Variants in H4C6 observed in about 807,000 individuals in gnomAD.
H4C6 encodes histone H4.
In H4C6, 8 loss-of-function variants were observed where a neutral mutation model predicts 5.7. That is an observed-to-expected ratio of 1.41 (90% CI 0.82 to 2.54). H4C6 has a LOEUF of 2.54. Among genes scored for constraint, H4C6 ranks in the 30% most tolerant of loss-of-function variants. H4C6 has a pLI of 0.00. For missense variants in H4C6, 230 were observed against 145.9 expected, an observed-to-expected ratio of 1.58 and a Z score of -2.97; for synonymous variants, 124 against 57.0, an observed-to-expected ratio of 2.18 and a Z score of -5.30.
Position 26,240,778 on chromosome 6 carries a change from G to C in H4C6, c.*41G>C, listed in dbSNP as rs1561755876. 1.3e-6 allele frequency: 2 copies of C among 1,509,042 alleles called. No homozygotes were observed. Among genetic ancestry groups the C allele is most frequent in the Non-Finnish European group, 1.8e-6 (2 of 1,124,196 alleles). 93.5% of individuals were successfully genotyped at this position (1,509,042 alleles called of 1,614,324 possible). A position where few individuals can be genotyped will look rare whatever the true frequency, so the allele number is the denominator to read the frequency against. ...TTTATTTAACAGCTCACCCATAAAA[G>C]GCCCTTTTCAGGGCCACCTCCTTCG... On this transcript the variant is annotated 3_prime_UTR_variant, in exon 1 of 1. Transcript: ENST00000244537.
rs1759874157 is a variant in H4C6, at chr6:26,240,687, G to A, written c.262G>A (p.Val88Ile). 6.2e-7 allele frequency: 1 copy of A among 1,608,932 alleles called. No homozygotes were observed. The highest frequency in any genetic ancestry group is 1.3e-5 in the African/African-American group (1 of 74,908). Residue 88 changes from valine (V) to isoleucine (I), a missense_variant, in exon 1 of 1, where the codon GTC becomes ATC. Coordinates refer to ENST00000244537, the MANE Select transcript of H4C6 (RefSeq NM_003540.4). Reference sequence around the variant, plus strand: ...TAAGACAGTCACTGCAATGGATGTTGTCTACGCGCTCAAGCGCCAGGGACG... The same window carrying A: ...TAAGACAGTCACTGCAATGGATGTTATCTACGCGCTCAAGCGCCAGGGACG... ...KRKTVTAMDV[V>I]YALKRQGRTL...
In H4C6 at chr6:26,240,513, A is replaced by G. The variant is rs536907537; in HGVS notation, c.88A>G (p.Ile30Val). Reference protein sequence around the residue: ...RKVLRDNIQGITKPAIRRLAR... With the variant: ...RKVLRDNIQGVTKPAIRRLAR... ...AGTGCTGCGTGACAACATACAGGGC[A>G]TCACGAAGCCCGCCATCCGTCGCTT... The change falls in exon 1 of 1, where the codon ATC becomes GTC. Residue 30 changes from isoleucine to valine, a missense_variant. Transcript: ENST00000244537. 3 of 1,613,964 alleles carry G rather than the reference A, an allele frequency of 1.9e-6. No individual in the cohort carries two copies. Among genetic ancestry groups the G allele is most frequent in the East Asian group, 2.2e-5 (1 of 44,884 alleles).
In H4C6 at chr6:26,240,448, G is replaced by C. The variant is rs1046849628; in HGVS notation, c.23G>C (p.Gly8Ala). 1 of 1,580,704 alleles carries C rather than the reference G, an allele frequency of 6.3e-7. No individual in the cohort carries two copies. Among genetic ancestry groups the C allele is most frequent in the Non-Finnish European group, 8.6e-7 (1 of 1,159,562 alleles). MSGRGKG[G>A]KGLGKGGAKR... ...ATCATGTCTGGTAGAGGCAAAGGTG[G>C]TAAAGGTTTAGGAAAGGGAGGCGCC... is the stretch of plus-strand genomic sequence containing the variant. Residue 8 changes from glycine (G) to alanine (A), a missense_variant, in exon 1 of 1, where the codon GGT becomes GCT. Gly to Ala is a moderately conservative substitution (Grantham distance 60). Coordinates refer to ENST00000244537, the MANE Select transcript of H4C6 (RefSeq NM_003540.4).
rs1253819149 is a variant in H4C6, at chr6:26,240,535, G to A, written c.110G>A (p.Arg37His). The A allele has an allele frequency of 1.9e-6, 3 of 1,614,070 alleles. No homozygotes were observed. Among genetic ancestry groups the A allele is most frequent in the Non-Finnish European group, 2.5e-6 (3 of 1,179,890 alleles). ...IQGITKPAIR[R>H]LARRGGVKRI... is the part of the protein sequence containing the mutation. ...GGCATCACGAAGCCCGCCATCCGTC[G>A]CTTGGCCCGACGCGGCGGCGTGAAA... is the stretch of plus-strand genomic sequence containing the variant. The change falls in exon 1 of 1, where the codon CGC becomes CAC. Residue 37 changes from arginine to histidine, a missense_variant. Transcript: ENST00000244537.
rs1581473804 is a variant in H4C6 at position 26,240,662 on chromosome 6, T to A, written c.237T>A (p.Arg79=). The A allele has an allele frequency of 6.2e-7, 1 of 1,613,210 alleles. No individual in the cohort carries two copies. Among genetic ancestry groups the A allele is most frequent in the Admixed American group, 1.7e-5 (1 of 59,990 alleles). ...DAVTYTEHAK[R]KTVTAMDVVY... The stretch of plus-strand genomic sequence containing the variant: ...TAACCTACACGGAGCACGCCAAGCG[T>A]AAGACAGTCACTGCAATGGATGTTG... The change falls in exon 1 of 1, where the codon CGT becomes CGA. Residue 79 remains arginine (R), a synonymous_variant. Transcript: ENST00000244537.
At position 26,240,770 on chromosome 6, in the gene H4C6, C is replaced by G; in HGVS notation, c.*33C>G. On this transcript the variant is annotated 3_prime_UTR_variant, in exon 1 of 1. Transcript: ENST00000244537. ...CCCGGCTTTTTATTTAACAGCTCAC[C>G]CATAAAAGGCCCTTTTCAGGGCCAC... 1 of 1,516,454 alleles carries G rather than the reference C, an allele frequency of 6.6e-7. No homozygotes were observed. The highest frequency in any genetic ancestry group is 2.3e-5 in the East Asian group (1 of 43,676). The allele number at this position is 1,516,454 out of a possible 1,614,324, so 93.9% of individuals were successfully genotyped here. A position where few individuals can be genotyped will look rare whatever the true frequency, so the allele number is the denominator to read the frequency against.
rs772112629 is a variant in H4C6, at chr6:26,240,651, C to CAGTAG, written c.227_228insGTAGA (p.His76GlnfsTer2). The CAGTAG allele has an allele frequency of 1.2e-6, 2 of 1,613,850 alleles. No individual in the cohort carries two copies. Among genetic ancestry groups the CAGTAG allele is most frequent in the Non-Finnish European group, 1.7e-6 (2 of 1,179,740 alleles). On this transcript the variant is annotated stop_gained and frameshift_variant, in exon 1 of 1. Coordinates refer to ENST00000244537, the MANE Select transcript of H4C6 (RefSeq NM_003540.4). LOFTEE classifies it high-confidence loss of function. ...ACGGGACGCCGTAACCTACACGGAG[C>CAGTAG]ACGCCAAGCGTAAGACAGTCACTGC...
chr6:26,240,751 TTTTTA>T lies in H4C6; in HGVS notation c.*18_*22del, dbSNP rs1299132732. The T allele has an allele frequency of 2.6e-6, 4 of 1,542,904 alleles. No homozygotes were observed. The highest frequency in any genetic ancestry group is 2.7e-5 in the African/African-American group (2 of 72,968). On this transcript the variant is annotated 3_prime_UTR_variant, in exon 1 of 1. Coordinates refer to ENST00000244537, the MANE Select transcript of H4C6 (RefSeq NM_003540.4). ...TTTGGTGGCTGAGCCTCACCCCGGC[TTTTTA>T]TTTAACAGCTCACCCATAAAAGGCC...
Position 26,240,496 on chromosome 6 carries a change from G to A in H4C6, c.71G>A (p.Arg24His), listed in dbSNP as rs1201414781. Residue 24 changes from arginine (R) to histidine (H), a missense_variant, in exon 1 of 1, where the codon CGT becomes CAT. Arg to His is a conservative substitution (Grantham distance 29). Coordinates refer to ENST00000244537, the MANE Select transcript of H4C6 (RefSeq NM_003540.4). ...GCCAAGCGCCATCGCAAAGTGCTGCGTGACAACATACAGGGCATCACGAAG... is the reference window on the plus strand; with the variant it reads ...GCCAAGCGCCATCGCAAAGTGCTGCATGACAACATACAGGGCATCACGAAG... Reference protein sequence around the residue: ...GGAKRHRKVLRDNIQGITKPA... With the variant: ...GGAKRHRKVLHDNIQGITKPA... 2 of 1,610,142 alleles carry A rather than the reference G, an allele frequency of 1.2e-6. No individual in the cohort carries two copies. Among genetic ancestry groups the A allele is most frequent in the Middle Eastern group, 1.7e-4 (1 of 6,046 alleles).
In H4C6 at chr6:26,240,647, G is replaced by C. The variant is rs750836693; in HGVS notation, c.222G>C (p.Thr74=). Residue 74 remains threonine (T), a synonymous_variant, in exon 1 of 1, where the codon ACG becomes ACC. Coordinates refer to ENST00000244537, the MANE Select transcript of H4C6 (RefSeq NM_003540.4). The part of the protein sequence containing the change: ...ENVIRDAVTY[T]EHAKRKTVTA... ...TGATACGGGACGCCGTAACCTACAC[G>C]GAGCACGCCAAGCGTAAGACAGTCA... is the stretch of plus-strand genomic sequence containing the variant. The C allele has an allele frequency of 1.2e-6, 2 of 1,614,010 alleles. No homozygotes were observed. Among genetic ancestry groups the C allele is most frequent in the East Asian group, 4.5e-5 (2 of 44,874 alleles).
In H4C6 at chr6:26,240,473, C is replaced by G. The variant is rs534839321; in HGVS notation, c.48C>G (p.Ala16=). Residue 16 remains alanine (A), a synonymous_variant, in exon 1 of 1, where the codon GCC becomes GCG. Transcript: ENST00000244537. ...GTAAAGGTTTAGGAAAGGGAGGCGC[C>G]AAGCGCCATCGCAAAGTGCTGCGTG... ...KGGKGLGKGG[A]KRHRKVLRDN... 1 of 1,599,050 alleles carries G rather than the reference C, an allele frequency of 6.3e-7. No homozygotes were observed. Among genetic ancestry groups the G allele is most frequent in the African/African-American group, 1.3e-5 (1 of 74,674 alleles).
rs1196211013 is a variant in H4C6 at position 26,240,658 on chromosome 6, AG to A, written c.234del (p.Lys78AsnfsTer?). On this transcript the variant is annotated frameshift_variant, in exon 1 of 1. Transcript: ENST00000244537. LOFTEE classifies it high-confidence loss of function. The part of the protein sequence containing the change: ...RDAVTYTEHA[K>X]RKTVTAMDVV... ...GCCGTAACCTACACGGAGCACGCCA[AG>A]CGTAAGACAGTCACTGCAATGGATG... The A allele has an allele frequency of 1.9e-6, 3 of 1,613,336 alleles. No individual in the cohort carries two copies. The highest frequency in any genetic ancestry group is 2.5e-6 in the Non-Finnish European group (3 of 1,179,504).
Position 26,240,420 on chromosome 6 carries a change from T to C in H4C6, c.-6T>C. ...AAAAGTTAAGAGTTGTTGTTTGTCT[T>C]CGATCATGTCTGGTAGAGGCAAAGG... is the stretch of plus-strand genomic sequence containing the variant. On this transcript the variant is annotated 5_prime_UTR_variant, in exon 1 of 1. Transcript: ENST00000244537. The C allele has an allele frequency of 6.5e-7, 1 of 1,537,536 alleles. No homozygotes were observed. Among genetic ancestry groups the C allele is most frequent in the Non-Finnish European group, 8.8e-7 (1 of 1,139,322 alleles).
In H4C6 at chr6:26,240,706, AG is replaced by A. The variant is rs759750723; in HGVS notation, c.284del (p.Gly95AspfsTer?). 19 of 1,602,818 alleles carry A rather than the reference AG, an allele frequency of 1.2e-5. No homozygotes were observed. Among genetic ancestry groups the A allele is most frequent in the Non-Finnish European group, 1.4e-5 (17 of 1,173,366 alleles). On this transcript the variant is annotated frameshift_variant, in exon 1 of 1. Coordinates refer to ENST00000244537, the MANE Select transcript of H4C6 (RefSeq NM_003540.4). LOFTEE classifies it high-confidence loss of function. Reference protein sequence around the residue: ...AMDVVYALKRQGRTLYGFGG With the variant: ...AMDVVYALKRXGRTLYGFGG ...GATGTTGTCTACGCGCTCAAGCGCC[AG>A]GGACGCACTCTGTACGGCTTTGGTG... is the stretch of plus-strand genomic sequence containing the variant.
chr6:26,240,489 G>A lies in H4C6; in HGVS notation c.64G>A (p.Val22Met). 6.2e-7 allele frequency: 1 copy of A among 1,608,670 alleles called. No individual in the cohort carries two copies. The change falls in exon 1 of 1, where the codon GTG (valine) becomes ATG (methionine). Residue 22 changes from valine to methionine, a missense_variant. Transcript: ENST00000244537. ...GKGGAKRHRK[V>M]LRDNIQGITK... Reference sequence around the variant, plus strand: ...GGGAGGCGCCAAGCGCCATCGCAAAGTGCTGCGTGACAACATACAGGGCAT... The same window carrying A: ...GGGAGGCGCCAAGCGCCATCGCAAAATGCTGCGTGACAACATACAGGGCAT...
chr6:26,240,411 TG>T lies in H4C6; in HGVS notation c.-14del. Reference sequence around the variant, plus strand: ...CAAAGTTGCAAAAGTTAAGAGTTGTTGTTTGTCTTCGATCATGTCTGGTAGA... The same window carrying T: ...CAAAGTTGCAAAAGTTAAGAGTTGTTTTTGTCTTCGATCATGTCTGGTAGA... On this transcript the variant is annotated 5_prime_UTR_variant, in exon 1 of 1. Coordinates refer to ENST00000244537, the MANE Select transcript of H4C6 (RefSeq NM_003540.4). 1 of 1,530,194 alleles carries T rather than the reference TG, an allele frequency of 6.5e-7. No individual in the cohort carries two copies. Among genetic ancestry groups the T allele is most frequent in the Non-Finnish European group, 8.8e-7 (1 of 1,136,122 alleles). The allele number at this position is 1,530,194 out of a possible 1,614,324, so 94.8% of individuals were successfully genotyped here.
rs770047038 is a variant in H4C6 at position 26,240,444 on chromosome 6, G to C, written c.19G>C (p.Gly7Arg). 1.3e-6 allele frequency: 2 copies of C among 1,574,314 alleles called. No individual in the cohort carries two copies. The highest frequency in any genetic ancestry group is 1.7e-6 in the Non-Finnish European group (2 of 1,156,108). Residue 7 changes from glycine (G) to arginine (R), a missense_variant, in exon 1 of 1, where the codon GGT (glycine) becomes CGT (arginine). Physicochemically the swap from Gly to Arg is moderately radical, Grantham distance 125. Coordinates refer to ENST00000244537, the MANE Select transcript of H4C6 (RefSeq NM_003540.4). ...TTCGATCATGTCTGGTAGAGGCAAA[G>C]GTGGTAAAGGTTTAGGAAAGGGAGG... is the stretch of plus-strand genomic sequence containing the variant. MSGRGK[G>R]GKGLGKGGAK...
rs553613363 is a variant in H4C6, at chr6:26,240,402, A to C, written c.-24A>C. 88 of 1,522,704 alleles carry C rather than the reference A, an allele frequency of 5.8e-5. No individual in the cohort carries two copies. Among genetic ancestry groups the C allele is most frequent in the Non-Finnish European group, 7.6e-5 (86 of 1,132,444 alleles). 94.3% of individuals were successfully genotyped at this position (1,522,704 alleles called of 1,614,324 possible). A position where few individuals can be genotyped will look rare whatever the true frequency, so the allele number is the denominator to read the frequency against. The stretch of plus-strand genomic sequence containing the variant: ...AGTGTGTAGCAAAGTTGCAAAAGTT[A>C]AGAGTTGTTGTTTGTCTTCGATCAT... On this transcript the variant is annotated 5_prime_UTR_variant, in exon 1 of 1. Transcript: ENST00000244537.
At position 26,240,435 on chromosome 6, in the gene H4C6, A is replaced by T; in HGVS notation, c.10A>T (p.Arg4Ter). The change falls in exon 1 of 1, where the codon AGA (arginine) becomes TGA (stop). Residue 4 changes from arginine to a stop codon, truncating the protein, a stop_gained. Transcript: ENST00000244537. LOFTEE classifies it high-confidence loss of function. MSG[R>*]GKGGKGLGKG... ...TTGTTTGTCTTCGATCATGTCTGGT[A>T]GAGGCAAAGGTGGTAAAGGTTTAGG... The T allele has an allele frequency of 6.4e-7, 1 of 1,562,844 alleles. No individual in the cohort carries two copies. Among genetic ancestry groups the T allele is most frequent in the Non-Finnish European group, 8.7e-7 (1 of 1,150,422 alleles).
Sources: allele counts gnomAD v4.1 joint callset, GRCh38; gene constraint gnomAD v4.1.1; transcripts MANE v1.5; gene names NCBI Gene and HGNC (gene_info 2026-07-23, HGNC 2026-07-21).